GSE1: variants seen among roughly 807,000 people sequenced by gnomAD.
GSE1 encodes genetic suppressor element 1.
Under a neutral mutation model 112.6 loss-of-function variants are expected in GSE1, and 32 were observed. The observed-to-expected ratio is 0.28, with a 90% CI of 0.21 to 0.38. GSE1 has a LOEUF of 0.38. GSE1 is among the 10% of genes least tolerant of loss of function. The pLI, the probability that GSE1 is intolerant of heterozygous loss-of-function variation, is 1.00. For synonymous variants in GSE1, 1,115 were observed against 735.6 expected, an observed-to-expected ratio of 1.52 and a Z score of -8.35; for missense variants, 2,348 against 1,699.2, an observed-to-expected ratio of 1.38 and a Z score of -6.71.
Position 85,188,426 on chromosome 16 carries a change from G to C in GSE1, c.2283+16619G>C, listed in dbSNP as rs545895048. Among the ~76,000 whole-genome samples the C allele has an allele frequency of 2.0e-5, 3 of 152,218 alleles. No homozygotes were observed. The East Asian group carries it at 5.8e-4, about 29-fold the overall frequency. ...CTGTTCCTCCGTTCTCACTGTTCTG[G>C]AGAGCTGTCACCTAGACCTCAAAAA... is the stretch of plus-strand genomic sequence containing the variant. On this transcript the variant is annotated intron_variant, in intron 1 of 2. Transcript: ENST00000637419.
intron 2 of GSE1, among the ~76,000 whole-genome samples, chr16:85,429,952 A>C (rs966012029): frequency 1.3e-5 from 2 of 152,190 alleles, no homozygotes; most frequent in African/African-American, 4.8e-5. Flanking sequence ...AGTTCCCAGG[A>C]CTGTGAACAG....
chr16:85,383,457 A>T (rs763325665), intron 2 of GSE1, among the ~76,000 whole-genome samples: 1 of 151,232 alleles, frequency 6.6e-6, no homozygotes. Flanking sequence ...ACATGTACAC[A>T]CAGTCTGTCA....
intron 1 of GSE1, among the ~76,000 whole-genome samples, chr16:85,310,920 C>T (rs2045824737): frequency 6.6e-6 from 1 of 152,136 alleles, no homozygotes; most frequent in African/African-American, 2.4e-5. Context: ...TGGAGGGGGG[C>T]ACCCACAGGC....
chr16:85,415,519 C>T (rs1038799760), intron 2 of GSE1, among the ~76,000 whole-genome samples: 1 of 152,246 alleles, frequency 6.6e-6, no homozygotes, highest in African/African-American at 2.4e-5. Context: ...CCTGGCTCTG[C>T]TCCCCGAAGG....
intron 1 of GSE1, chr16:85,285,752 A>C (rs1347845441): frequency 1.3e-5 from 2 of 152,452 alleles, no homozygotes; most frequent in African/African-American, 2.4e-5. Context: ...CCAGACCTAG[A>C]ATCAGGACCT....
intron 1 of GSE1, among the ~76,000 whole-genome samples, chr16:85,237,027 T>A (rs1904735175): frequency 6.6e-6 from 1 of 152,210 alleles, no homozygotes; most frequent in Non-Finnish European, 1.5e-5. Context: ...TGAAAGAGAC[T>A]TCCAGAAAGA....
At chr16:85,518,016 G>A (rs561190486) in intron 2 of GSE1, among the ~76,000 whole-genome samples, 15 of 152,228 alleles carry the variant, frequency 9.9e-5, no homozygotes, top group Admixed American at 3.3e-4. Flanking sequence ...TCCTGCTGCC[G>A]GCCCCAAGCC....
rs138048306 is a variant in GSE1 at position 85,386,171 on chromosome 16, C to T, written c.2464+28528C>T. On this transcript the variant is annotated intron_variant, in intron 2 of 2. Coordinates refer to the GSE1 transcript ENST00000637419. Reference sequence around the variant, plus strand: ...ATATGGTGGTTCAGGTGGAACCCTCCCACGCCCTGCCCCCTGTTTGGGCTC... The same window carrying T: ...ATATGGTGGTTCAGGTGGAACCCTCTCACGCCCTGCCCCCTGTTTGGGCTC... 3.0e-3 allele frequency among the ~76,000 whole-genome samples: 464 copies of T among 152,330 alleles called. 2 individuals are homozygous for T. Among genetic ancestry groups the T allele is most frequent in the African/African-American group, 0.011 (456 of 41,578 alleles).
chr16:85,503,863 A>G (rs2051449707), intron 2 of GSE1, among the ~76,000 whole-genome samples: 1 of 152,150 alleles, frequency 6.6e-6, no homozygotes, highest in South Asian at 2.1e-4. Context: ...TAAATAACAT[A>G]TTATGCCAGG....
At chr16:85,562,171 C>G (rs980148397) in intron 1 of GSE1, among the ~76,000 whole-genome samples, 1 of 150,800 alleles carries the variant, frequency 6.6e-6, no homozygotes. Context: ...ATTTACAGCT[C>G]AGAAACTCAG....
chr16:85,463,016 G>A (rs1242345423), intron 2 of GSE1: 1 of 802,242 alleles, frequency 1.2e-6, no homozygotes, highest in Admixed American at 6.3e-5. Context: ...GCTCGCCTCC[G>A]CCGCGGGCCA....
intron 1 of GSE1, chr16:85,594,293 C>T (rs2047129678): frequency 6.6e-6 from 1 of 152,124 alleles, no homozygotes; most frequent in Non-Finnish European, 1.5e-5. Context: ...CCTCCCTGCC[C>T]CACCGCGGTC....
chr16:85,287,651 G>A (rs1464771935), intron 1 of GSE1, among the ~76,000 whole-genome samples: 1 of 151,932 alleles, frequency 6.6e-6, no homozygotes, highest in East Asian at 1.9e-4. Flanking sequence ...CTTTCTCTGT[G>A]GGGTCTTTCC....
At chr16:85,292,363 T>C (rs1597310751) in intron 1 of GSE1, among the ~76,000 whole-genome samples, 2 of 145,574 alleles carry the variant, frequency 1.4e-5, no homozygotes, top group South Asian at 4.5e-4. Context: ...AGAGTCTTGC[T>C]CTGTCAACAG....
At chr16:85,670,408 C>A (rs1282822779) in intron 14 of GSE1, among the ~76,000 whole-genome samples, 1 of 152,000 alleles carries the variant, frequency 6.6e-6, no homozygotes, top group South Asian at 2.1e-4. Flanking sequence ...TTGCTCCATC[C>A]TTGTTGAATT....
At chr16:85,428,281 G>C (rs1214013463) in intron 2 of GSE1, among the ~76,000 whole-genome samples, 1 of 152,204 alleles carries the variant, frequency 6.6e-6, no homozygotes, top group African/African-American at 2.4e-5. Context: ...CACCACCCAG[G>C]ATTCCCTCGT....
upstream of GSE1, chr16:85,555,098 G>A: frequency 1.0e-6 from 1 of 985,376 alleles, no homozygotes. Context: ...GCGTAGAGAC[G>A]GAAGGAGCCG....
At chr16:85,482,140 G>A (rs530637270) in intron 2 of GSE1, among the ~76,000 whole-genome samples, 346 of 152,368 alleles carry the variant, frequency 2.3e-3, no homozygotes, top group African/African-American at 8.0e-3. Context: ...GGGAGGCCTT[G>A]GCATGATGCT....
rs550714245 is a variant in GSE1 at position 85,561,990 on chromosome 16, G to A, written c.37+5627G>A. ...GAGCCGAGGCGGGGACGGGGCACCC[G>A]CAGGGACCAAGGTCTTGCATAGCCT... On this transcript the variant is annotated intron_variant, in intron 1 of 2. Transcript: ENST00000635906. 9.8e-5 allele frequency among the ~76,000 whole-genome samples: 15 copies of A among 152,330 alleles called. No homozygotes were observed. In the South Asian group the frequency reaches 1.4e-3, roughly 15 times the overall value.
Sources: gnomAD v4.1 joint callset for allele counts (sites outside exome capture counted in the v4.1 genomes callset) on GRCh38, gnomAD v4.1.1 for gene constraint, MANE v1.5 for transcripts, NCBI Gene and HGNC (gene_info 2026-07-23, HGNC 2026-07-21) for gene names.